SULF1: variants seen among roughly 807,000 people sequenced by gnomAD.
SULF1 encodes extracellular sulfatase Sulf-1.
SULF1 carries 46 observed loss-of-function variants against 110.5 expected under a neutral mutation model. The ratio of observed to expected loss-of-function variants is 0.42; its 90% CI spans 0.33 to 0.53. SULF1 has a LOEUF of 0.53. Ranked by LOEUF, SULF1 falls within the 20% of genes least tolerant of loss-of-function variation. The probability of loss-of-function intolerance (pLI) is 0.12; values close to 1 mark genes in which losing one functional copy is unlikely to be tolerated. For synonymous variants in SULF1, 371 were observed against 387.1 expected, an observed-to-expected ratio of 0.96 and a Z score of 0.49; for missense variants, 941 against 1,094.2, an observed-to-expected ratio of 0.86 and a Z score of 1.98.
At chr8:69,501,112 A>T (rs1810768602) in intron 2 of SULF1, among the ~76,000 whole-genome samples, 1 of 152,248 alleles carries the variant, frequency 6.6e-6, no homozygotes. Context: ...TTTAAATGAA[A>T]TGCTTTATTA....
At chr8:69,563,828 A>T in intron 4 of SULF1, 88 bp from the exon 5 acceptor site, 1 of 736,680 alleles carries the variant, frequency 1.4e-6, no homozygotes, top group Admixed American at 2.6e-5. Context: ...GCCAATACTG[A>T]CTTATTTGTA....
At chr8:69,580,809 C>T (rs975117665) in intron 6 of SULF1, among the ~76,000 whole-genome samples, 1 of 151,984 alleles carries the variant, frequency 6.6e-6, no homozygotes, top group Non-Finnish European at 1.5e-5. Flanking sequence ...AAATCATAGA[C>T]CTTAGTTCTG....
At chr8:69,477,719 A>C (rs1375530143) in intron 1 of SULF1, among the ~76,000 whole-genome samples, 1 of 152,174 alleles carries the variant, frequency 6.6e-6, no homozygotes, top group Non-Finnish European at 1.5e-5. Context: ...GATTTTGAGC[A>C]AATTAGTTAA....
chr8:69,554,451 A>G (rs1006541715), intron 3 of SULF1, among the ~76,000 whole-genome samples: 1 of 152,174 alleles, frequency 6.6e-6, no homozygotes, highest in Admixed American at 6.5e-5. Context: ...TATGCATAAA[A>G]CTTCATAAAG....
At chr8:69,548,452 T>C (rs1814440533) in intron 3 of SULF1, among the ~76,000 whole-genome samples, 1 of 142,562 alleles carries the variant, frequency 7.0e-6, no homozygotes, top group African/African-American at 3.0e-5. Flanking sequence ...TGTTAACTTT[T>C]TTTTTTTTTT....
chr8:69,472,807 C>A (rs1809140383), intron 1 of SULF1, among the ~76,000 whole-genome samples: 1 of 152,170 alleles, frequency 6.6e-6, no homozygotes, highest in African/African-American at 2.4e-5. Flanking sequence ...TGTACTCCTG[C>A]ACAGTAGTGT....
Position 69,603,314 on chromosome 8 carries a change from G to A in SULF1, c.1184G>A (p.Gly395Asp). 2 of 1,614,056 alleles carry A rather than the reference G, an allele frequency of 1.2e-6. No homozygotes were observed. Among genetic ancestry groups the A allele is most frequent in the East Asian group, 2.2e-5 (1 of 44,870 alleles). The change falls in exon 11 of 23, where the codon GGT (glycine) becomes GAT (aspartate). Residue 395 changes from glycine to aspartate, a missense_variant. Coordinates refer to ENST00000402687, the MANE Select transcript of SULF1 (RefSeq NM_001128205.2). ...VLKLLDPEKPGNRFRTNKKAK... is the reference protein window; with the variant it reads ...VLKLLDPEKPDNRFRTNKKAK... ...AAACTTCTGGACCCAGAAAAGCCAG[G>A]TAACAGGTGTGTCATTGTTCCTCCT... is the stretch of plus-strand genomic sequence containing the variant.
intron 22 of SULF1, among the ~76,000 whole-genome samples, chr8:69,654,551 T>C (rs1812575415): frequency 6.6e-6 from 1 of 152,220 alleles, no homozygotes; most frequent in Admixed American, 6.5e-5. Flanking sequence ...TTTTAAAGTA[T>C]AATTAGGGTT....
chr8:69,600,140 G>GA (rs772408685), intron 8 of SULF1, among the ~76,000 whole-genome samples: 19 of 151,994 alleles, frequency 1.3e-4, no homozygotes, highest in African/African-American at 3.4e-4. Context: ...GTATTCAGGA[G>GA]AAAAAATGTG....
chr8:69,647,846 C>T lies in SULF1; in HGVS notation c.2585+7005C>T, dbSNP rs530806013. Among the ~76,000 whole-genome samples, 24 of 151,840 alleles carry T rather than the reference C, an allele frequency of 1.6e-4. No homozygotes were observed. In the East Asian group the frequency reaches 4.3e-3, roughly 27 times the overall value. On this transcript the variant is annotated intron_variant, in intron 22 of 22. Coordinates refer to ENST00000402687, the MANE Select transcript of SULF1 (RefSeq NM_001128205.2). ...GGCGGAGGTTGCAATGAGCCAAGAT[C>T]GCGCCATTGCACTCCAGCCTGGGCA...
intron 8 of SULF1, among the ~76,000 whole-genome samples, chr8:69,598,023 A>G (rs1235223617): frequency 1.3e-5 from 2 of 151,878 alleles, no homozygotes; most frequent in East Asian, 3.9e-4. Flanking sequence ...AACATGCTGC[A>G]TGAAGAATAC....
At chr8:69,632,607 A>T (rs549357070) in intron 19 of SULF1, among the ~76,000 whole-genome samples, 2 of 152,284 alleles carry the variant, frequency 1.3e-5, no homozygotes, top group East Asian at 3.9e-4. Flanking sequence ...CAGGCACAAG[A>T]TCCTCCAATG....
rs117203737 is a variant in SULF1 at position 69,593,411 on chromosome 8, A to G, written c.734+4270A>G. Among the ~76,000 whole-genome samples, 288 of 152,338 alleles carry G rather than the reference A, an allele frequency of 1.9e-3. 1 individual carries two copies. Among genetic ancestry groups the G allele is most frequent in the African/African-American group, 6.4e-3 (267 of 41,590 alleles). ...AGCAAGAAACCATAGGTTCTCCCCA[A>G]TTGCAGGGATGCAAGTAACGTGAAC... On this transcript the variant is annotated intron_variant, in intron 8 of 22. Coordinates refer to ENST00000402687, the MANE Select transcript of SULF1 (RefSeq NM_001128205.2).
At chr8:69,586,298 C>T (rs897760405) in intron 6 of SULF1, 59 bp from the exon 7 acceptor site, 1 of 1,471,406 alleles carries the variant, frequency 6.8e-7, no homozygotes, top group African/African-American at 1.4e-5. Flanking sequence ...TTATACTTAT[C>T]CATTTATTTA....
chr8:69,489,761 A>G (rs1006988541), upstream of SULF1, among the ~76,000 whole-genome samples: 7 of 151,532 alleles, frequency 4.6e-5, no homozygotes, highest in African/African-American at 1.5e-4. Flanking sequence ...TATTTTCAGT[A>G]GAGACGGGGT....
chr8:69,538,586 C>A (rs976819903), intron 3 of SULF1, among the ~76,000 whole-genome samples: 11 of 152,180 alleles, frequency 7.2e-5, no homozygotes, highest in Non-Finnish European at 4.4e-5. Flanking sequence ...AAACAAAGTG[C>A]AGGGCAAAAA....
In SULF1 at chr8:69,629,668, C is replaced by T. The variant is rs745984464; in HGVS notation, c.2273C>T (p.Pro758Leu). 1.9e-6 allele frequency: 3 copies of T among 1,605,654 alleles called. No homozygotes were observed. Among genetic ancestry groups the T allele is most frequent in the South Asian group, 1.1e-5 (1 of 89,610 alleles). Residue 758 changes from proline (P) to leucine (L), a missense_variant, in exon 19 of 23, where the codon CCG becomes CTG. Pro to Leu is a moderately conservative substitution (Grantham distance 98). Transcript: ENST00000402687. Reference protein sequence around the residue: ...THDNNHWQTAPFWNLGSFCAC... With the variant: ...THDNNHWQTALFWNLGSFCAC... ...GACAACAACCACTGGCAGACAGCCC[C>T]GTTCTGGAACCGTAAGTTGCTTGTT...
At chr8:69,616,888 A>G (rs1382239485) in intron 13 of SULF1, among the ~76,000 whole-genome samples, 2 of 152,056 alleles carry the variant, frequency 1.3e-5, no homozygotes, top group Admixed American at 1.3e-4. Context: ...CCTGTCTGAT[A>G]GAAGATGGAG....
At chr8:69,586,304 A>T in intron 6 of SULF1, 53 bp from the exon 7 acceptor site, 5 of 1,502,180 alleles carry the variant, frequency 3.3e-6, no homozygotes, top group Non-Finnish European at 4.4e-6. Context: ...TTATCCATTT[A>T]TTTATGATTA....
Sources: gnomAD v4.1 joint callset for allele counts (sites outside exome capture counted in the v4.1 genomes callset) on GRCh38, gnomAD v4.1.1 for gene constraint, MANE v1.5 for transcripts, NCBI Gene and HGNC (gene_info 2026-07-23, HGNC 2026-07-21) for gene names.